The following SLC4A4 variants were observed in gnomAD, a reference collection of about 807,000 sequenced individuals.
SLC4A4 encodes the protein electrogenic sodium bicarbonate cotransporter 1.
SLC4A4 carries 27 observed loss-of-function variants against 111.5 expected under a neutral mutation model. The ratio of observed to expected loss-of-function variants is 0.24; its 90% confidence interval spans 0.18 to 0.33. The LOEUF (loss-of-function observed/expected upper bound fraction) is 0.33, where lower values mean the gene tolerates loss of function less well. SLC4A4 is among the 10% of genes least tolerant of loss of function. The pLI is 1.00. For synonymous variants in SLC4A4, 443 were observed against 463.4 expected (o/e 0.96, Z 0.57); for missense variants, 909 against 1,315.5 (o/e 0.69, Z 4.78).
chr4:71,062,796 A>C (rs1741422641), intron 1 of SLC4A4, among the ~76,000 whole-genome samples: 1 of 152,224 alleles, frequency 6.6e-6, no homozygotes, highest in Non-Finnish European at 1.5e-5. Context: ...ACTGTAAGTA[A>C]AACAATAAAT....
At chr4:71,079,775 CA>C (rs34285798) in intron 1 of SLC4A4, among the ~76,000 whole-genome samples, 247 of 142,488 alleles carry the variant, frequency 1.7e-3, no homozygotes, top group African/African-American at 4.6e-3. Context: ...AACTCTGTCT[CA>C]AAAAAAAAAA....
chr4:71,307,433 T>A (rs1356906362), intron 3 of SLC4A4, among the ~76,000 whole-genome samples: 1 of 152,228 alleles, frequency 6.6e-6, no homozygotes, highest in African/African-American at 2.4e-5. Context: ...TTGGTTTTGA[T>A]TTTGCATTCA....
chr4:71,376,868 G>A (rs995817185), intron 6 of SLC4A4, among the ~76,000 whole-genome samples: 6 of 151,604 alleles, frequency 4.0e-5, no homozygotes, highest in African/African-American at 1.5e-4. Context: ...AACTCCTGGT[G>A]TCAAGTTATC....
At chr4:71,305,975 C>A (rs1725648753) in intron 3 of SLC4A4, among the ~76,000 whole-genome samples, 1 of 152,206 alleles carries the variant, frequency 6.6e-6, no homozygotes, top group African/African-American at 2.4e-5. Flanking sequence ...AGTAATATTT[C>A]CTAAAGCATT....
At chr4:71,421,010 T>C (rs1722416503) in intron 7 of SLC4A4, among the ~76,000 whole-genome samples, 1 of 148,418 alleles carries the variant, frequency 6.7e-6, no homozygotes, top group African/African-American at 2.5e-5. Context: ...GTAAATGGAC[T>C]AAATGCTCCA....
intron 2 of SLC4A4, among the ~76,000 whole-genome samples, chr4:71,101,708 G>A (rs1273634380): frequency 6.6e-6 from 1 of 152,120 alleles, no homozygotes; most frequent in Non-Finnish European, 1.5e-5. Context: ...GCAGCTGAAG[G>A]TCCTGTCTGT....
chr4:71,116,409 T>C (rs904183740), intron 2 of SLC4A4, among the ~76,000 whole-genome samples: 2 of 152,200 alleles, frequency 1.3e-5, no homozygotes, highest in African/African-American at 4.8e-5. Flanking sequence ...TTTTCTACCT[T>C]TAATACAAAA....
intron 14 of SLC4A4, among the ~76,000 whole-genome samples, chr4:71,474,194 G>A (rs1013453309): frequency 6.6e-6 from 1 of 151,238 alleles, no homozygotes; most frequent in Non-Finnish European, 1.5e-5. Flanking sequence ...GTGATTCTAG[G>A]TTACGCAATT....
chr4:71,209,200 AT>A (rs1159628244), intron 1 of SLC4A4, among the ~76,000 whole-genome samples: 8 of 152,168 alleles, frequency 5.3e-5, no homozygotes, highest in Non-Finnish European at 1.0e-4. Flanking sequence ...CCCTCATACT[AT>A]CTGTGCTATT....
At chr4:71,450,120 TG>T (rs1725621386) in intron 9 of SLC4A4, among the ~76,000 whole-genome samples, 1 of 152,202 alleles carries the variant, frequency 6.6e-6, no homozygotes. Context: ...CAGTGGGAGC[TG>T]AAAGGCAATG....
chr4:71,208,954 C>T (rs1360564694), intron 1 of SLC4A4, among the ~76,000 whole-genome samples: 2 of 152,042 alleles, frequency 1.3e-5, no homozygotes, highest in Non-Finnish European at 2.9e-5. Flanking sequence ...AATTGGCTAG[C>T]AATCAGCTGG....
chr4:71,543,499 A>G (rs1037127473), intron 18 of SLC4A4, among the ~76,000 whole-genome samples: 1 of 152,128 alleles, frequency 6.6e-6, no homozygotes, highest in East Asian at 1.9e-4. Flanking sequence ...ATGGTTATAT[A>G]TAGTTACCTT....
intron 1 of SLC4A4, among the ~76,000 whole-genome samples, chr4:71,217,754 A>G (rs1718521728): frequency 6.6e-6 from 1 of 152,186 alleles, no homozygotes; most frequent in African/African-American, 2.4e-5. Context: ...TAAGAGTGGC[A>G]TCATATGTAC....
At chr4:71,504,121 AAT>A (rs1731177355) in intron 16 of SLC4A4, among the ~76,000 whole-genome samples, 1 of 152,160 alleles carries the variant, frequency 6.6e-6, no homozygotes, top group Admixed American at 6.5e-5. Flanking sequence ...TTTGAGTATT[AAT>A]ATGCCTTGGA....
At chr4:71,257,133 G>C (rs1283253748) in intron 3 of SLC4A4, among the ~76,000 whole-genome samples, 1 of 152,130 alleles carries the variant, frequency 6.6e-6, no homozygotes, top group East Asian at 1.9e-4. Context: ...ATAGAATACT[G>C]TTGCATTCTG....
intron 6 of SLC4A4, among the ~76,000 whole-genome samples, chr4:71,360,676 G>C (rs1453174589): frequency 2.0e-5 from 3 of 152,046 alleles, no homozygotes; most frequent in Non-Finnish European, 4.4e-5. Flanking sequence ...TTGCCAGCTA[G>C]CATAACCATA....
intron 6 of SLC4A4, among the ~76,000 whole-genome samples, chr4:71,384,164 A>G (rs1560460065): frequency 5.9e-5 from 9 of 152,196 alleles, no homozygotes; most frequent in Admixed American, 5.2e-4. Flanking sequence ...TCCTGAAGCT[A>G]TCACATCATT....
chr4:71,412,714 G>A (rs955919026), intron 7 of SLC4A4, among the ~76,000 whole-genome samples: 2 of 152,100 alleles, frequency 1.3e-5, no homozygotes, highest in Admixed American at 6.6e-5. Flanking sequence ...GCACAGAAAT[G>A]GAGTATGAAT....
At chr4:71,172,259 C>CTTTTTTTTTTTTTTTTTTTTTTTTT (rs745577250) in intron 2 of SLC4A4, among the ~76,000 whole-genome samples, 1 of 143,344 alleles carries the variant, frequency 7.0e-6, no homozygotes, top group Non-Finnish European at 1.5e-5. Context: ...CTTTTTCTTT[C>CTTTTTTTTTTTTTTTTTTTTTTTTT]TTTTTTTTTT....
Sources: gnomAD v4.1 joint callset for allele counts (sites outside exome capture counted in the v4.1 genomes callset) on GRCh38, gnomAD v4.1.1 for gene constraint, MANE v1.5 for transcripts, NCBI Gene and HGNC (gene_info 2026-07-23, HGNC 2026-07-21) for gene names.